The following LTC4S variants were observed in gnomAD, a reference collection of about 807,000 sequenced individuals.
The protein encoded by LTC4S is leukotriene C4 synthase, also known as LTC4 synthase.
A neutral mutation model predicts 19.6 loss-of-function variants in LTC4S; 18 were observed. The observed-to-expected ratio is 0.92, with a 90% CI of 0.64 to 1.36. The LOEUF (loss-of-function observed/expected upper bound fraction) is 1.36, where lower values mean the gene tolerates loss of function less well. LTC4S is among the 40% of genes most tolerant of loss of function. LTC4S has a pLI of 0.00. For synonymous variants in LTC4S, 126 were observed against 110.1 expected, an observed-to-expected ratio of 1.14 and a Z score of -0.91; for missense variants, 235 against 212.2, an observed-to-expected ratio of 1.11 and a Z score of -0.67.
Position 179,795,929 on chromosome 5 carries a change from T to G in LTC4S, c.230-12T>G. On this transcript the variant is annotated splice_polypyrimidine_tract_variant and intron_variant, in intron 3 of 4. Transcript: ENST00000292596. ...GCAGGGCGCTCACCAGGCCCGTGCG[T>G]ACCTCTCGCAGGGGCGGCGGCCCTG... The G allele has an allele frequency of 6.4e-7, 1 of 1,574,622 alleles. No individual in the cohort carries two copies. The highest frequency in any genetic ancestry group is 8.6e-7 in the Non-Finnish European group (1 of 1,165,000).
chr5:179,796,107 G>T, intron 4 of LTC4S, 85 bp downstream of exon 4: 1 of 1,319,548 alleles, frequency 7.6e-7, no homozygotes, highest in Non-Finnish European at 9.9e-7. Context: ...GAAGCTGGGG[G>T]CGGGCGACGG....
Position 179,795,821 on chromosome 5 carries a change from C to T in LTC4S, c.194C>T (p.Ala65Val), listed in dbSNP as rs1222985265. 3 of 1,606,600 alleles carry T rather than the reference C, an allele frequency of 1.9e-6. No homozygotes were observed. Among genetic ancestry groups the T allele is most frequent in the Non-Finnish European group, 2.5e-6 (3 of 1,178,314 alleles). Residue 65 changes from alanine (A) to valine (V), a missense_variant, in exon 3 of 5, where the codon GCC (alanine) becomes GTC (valine). Transcript: ENST00000292596. ...AGCGAGTACTTCCCGCTGTTCCTCG[C>T]CACGCTCTGGGTCGCCGGCATCTTC... ...NCSEYFPLFL[A>V]TLWVAGIFFH...
In LTC4S at chr5:179,796,484, C is replaced by G. The variant is rs1255079283; in HGVS notation, c.*90C>G. 1 of 1,373,130 alleles carries G rather than the reference C, an allele frequency of 7.3e-7. No homozygotes were observed. Among genetic ancestry groups the G allele is most frequent in the South Asian group, 1.6e-5 (1 of 64,234 alleles). The allele number at this position is 1,373,130 out of a possible 1,614,324, so 85.1% of individuals were successfully genotyped here. On this transcript the variant is annotated 3_prime_UTR_variant, in exon 5 of 5. Coordinates refer to ENST00000292596, the MANE Select transcript of LTC4S (RefSeq NM_145867.2). The stretch of plus-strand genomic sequence containing the variant: ...GGGGCGCTCGCTTCCGCATCCTAGT[C>G]TCTATCATTAAAGTTCTAGTGACCG...
At chr5:179,795,710 C>A in intron 2 of LTC4S, 27 bp downstream of exon 2, 1 of 1,571,196 alleles carries the variant, frequency 6.4e-7, no homozygotes, top group Non-Finnish European at 8.6e-7. Context: ...GGGCGCGGGG[C>A]GGGGAGCGAG....
At chr5:179,796,066 C>T (rs1180718414) in intron 4 of LTC4S, 44 bp downstream of exon 4, 10 of 1,075,038 alleles carry the variant, frequency 9.3e-6, no homozygotes, top group Non-Finnish European at 1.2e-5. Flanking sequence ...GGAAAGATCG[C>T]GGGCGGGCGG....
At chr5:179,795,287 G>C (rs1581963625) in intron 1 of LTC4S, 1 of 980,480 alleles carries the variant, frequency 1.0e-6, no homozygotes, top group Non-Finnish European at 1.4e-6. Flanking sequence ...GGTCTCTCTC[G>C]CGGAGCAGGT....
In LTC4S at chr5:179,795,835, G is replaced by A. The variant is rs1229995806; in HGVS notation, c.208G>A (p.Ala70Thr). The A allele has an allele frequency of 6.2e-7, 1 of 1,606,834 alleles. No individual in the cohort carries two copies. Among genetic ancestry groups the A allele is most frequent in the South Asian group, 1.1e-5 (1 of 90,518 alleles). The change falls in exon 3 of 5, where the codon GCC becomes ACC. Residue 70 changes from alanine (A) to threonine (T), a missense_variant. Physicochemically the swap from Ala to Thr is moderately conservative, Grantham distance 58. Coordinates refer to ENST00000292596, the MANE Select transcript of LTC4S (RefSeq NM_145867.2). The part of the protein sequence containing the change: ...FPLFLATLWV[A>T]GIFFHEGAAA... ...GCTGTTCCTCGCCACGCTCTGGGTC[G>A]CCGGCATCTTCTTTCATGAAGGTCG...
Position 179,795,831 on chromosome 5 carries a change from G to C in LTC4S, c.204G>C (p.Trp68Cys), listed in dbSNP as rs1279097033. The change falls in exon 3 of 5, where the codon TGG (tryptophan) becomes TGC (cysteine). Residue 68 changes from tryptophan (W) to cysteine (C), a missense_variant. By Grantham distance (215) the Trp-to-Cys change is radical. Coordinates refer to ENST00000292596, the MANE Select transcript of LTC4S (RefSeq NM_145867.2). Reference sequence around the variant, plus strand: ...TCCCGCTGTTCCTCGCCACGCTCTGGGTCGCCGGCATCTTCTTTCATGAAG... The same window carrying C: ...TCCCGCTGTTCCTCGCCACGCTCTGCGTCGCCGGCATCTTCTTTCATGAAG... ...EYFPLFLATLWVAGIFFHEGA... is the reference protein window; with the variant it reads ...EYFPLFLATLCVAGIFFHEGA... 37 of 1,606,864 alleles carry C rather than the reference G, an allele frequency of 2.3e-5. No individual in the cohort carries two copies. The highest frequency in any genetic ancestry group is 3.1e-5 in the Non-Finnish European group (36 of 1,178,456).
rs971212594 is a variant in LTC4S at position 179,794,058 on chromosome 5, C to T, written c.-23C>T. On this transcript the variant is annotated 5_prime_UTR_variant, in exon 1 of 5. Coordinates refer to ENST00000292596, the MANE Select transcript of LTC4S (RefSeq NM_145867.2). ...CCCCAGCTCGCCTTCACACACAGCC[C>T]GTGCCACCACACCGACGGTACCATG... The T allele has an allele frequency of 2.0e-5, 32 of 1,613,426 alleles. No individual in the cohort carries two copies. In the Admixed American group the frequency reaches 2.2e-4, roughly 11 times the overall value.
chr5:179,794,710 C>T (rs200522167), intron 1 of LTC4S, among the ~76,000 whole-genome samples: 88 of 152,326 alleles, frequency 5.8e-4, no homozygotes, highest in African/African-American at 2.0e-3. Flanking sequence ...GATGGCCACC[C>T]TGTGACACCC....
intron 4 of LTC4S, 113 bp from the exon 5 acceptor site, chr5:179,796,140 G>C (rs888174812): frequency 7.1e-6 from 9 of 1,261,080 alleles, no homozygotes; most frequent in Non-Finnish European, 9.4e-6. Context: ...CGCCTTTGGG[G>C]ATTCGGTGGG....
Position 179,794,121 on chromosome 5 carries a change from T to TG in LTC4S, c.44dup (p.Val16SerfsTer61). On this transcript the variant is annotated frameshift_variant, in exon 1 of 5. Transcript: ENST00000292596. LOFTEE classifies it high-confidence loss of function. ...GCTCTACTGGCTGCTGTCACCCTCCTGGGAGTCCTGCTGCAAGGTGGGCTG... is the reference window on the plus strand; with the variant it reads ...GCTCTACTGGCTGCTGTCACCCTCCTGGGGAGTCCTGCTGCAAGGTGGGCTG... The TG allele has an allele frequency of 1.2e-6, 2 of 1,613,502 alleles. No homozygotes were observed. Among genetic ancestry groups the TG allele is most frequent in the South Asian group, 2.2e-5 (2 of 91,082 alleles).
intron 3 of LTC4S, 23 bp downstream of exon 3, chr5:179,795,879 C>T (rs768557264): frequency 6.2e-7 from 1 of 1,601,598 alleles, no homozygotes; most frequent in Non-Finnish European, 8.5e-7. Context: ...GGCAGGGGCG[C>T]ACGCGCTGGA....
intron 1 of LTC4S, 200 bp from the exon 2 acceptor site, chr5:179,795,384 T>A: frequency 7.0e-7 from 1 of 1,435,752 alleles, no homozygotes; most frequent in Non-Finnish European, 9.1e-7. Flanking sequence ...AGCCCTGCCC[T>A]CCTCGCTGAA....
chr5:179,796,407 C>A lies in LTC4S; in HGVS notation c.*13C>A. The A allele has an allele frequency of 1.4e-6, 2 of 1,479,198 alleles. No homozygotes were observed. Among genetic ancestry groups the A allele is most frequent in the Admixed American group, 2.3e-5 (1 of 43,142 alleles). 91.6% of individuals were successfully genotyped at this position (1,479,198 alleles called of 1,614,324 possible). A position where few individuals can be genotyped will look rare whatever the true frequency, so the allele number is the denominator to read the frequency against. On this transcript the variant is annotated 3_prime_UTR_variant, in exon 5 of 5. Coordinates refer to ENST00000292596, the MANE Select transcript of LTC4S (RefSeq NM_145867.2). ...GCCGTGGGCCTGAGACCAAGGCCCCCGGGCCGACGGAGCCGGGAAAGAAGA... is the reference window on the plus strand; with the variant it reads ...GCCGTGGGCCTGAGACCAAGGCCCCAGGGCCGACGGAGCCGGGAAAGAAGA...
At chr5:179,795,184 C>T in intron 1 of LTC4S, 1 of 259,342 alleles carries the variant, frequency 3.9e-6, no homozygotes, top group Non-Finnish European at 7.2e-6. Flanking sequence ...CAGCTCTGCC[C>T]TCAGACTCCC....
rs1485014330 is a variant in LTC4S, at chr5:179,795,869, G to T, written c.229+13G>T. 3 of 1,604,146 alleles carry T rather than the reference G, an allele frequency of 1.9e-6. No homozygotes were observed. The highest frequency in any genetic ancestry group is 2.7e-5 in the African/African-American group (2 of 74,824). ...TTCTTTCATGAAGGTCGGGGTGTGG[G>T]GCAGGGGCGCACGCGCTGGACCCCC... On this transcript the variant is annotated intron_variant, in intron 3 of 4. Transcript: ENST00000292596.
In LTC4S at chr5:179,795,831, GGTC is replaced by G; in HGVS notation, c.206_208del (p.Val69del). ...TCCCGCTGTTCCTCGCCACGCTCTGGGTCGCCGGCATCTTCTTTCATGAAGGTC... is the reference window on the plus strand; with the variant it reads ...TCCCGCTGTTCCTCGCCACGCTCTGGGCCGGCATCTTCTTTCATGAAGGTC... On this transcript the variant is annotated inframe_deletion, in exon 3 of 5. Transcript: ENST00000292596. 3 of 1,606,972 alleles carry G rather than the reference GGTC, an allele frequency of 1.9e-6. No individual in the cohort carries two copies.
chr5:179,794,240 C>T, intron 1 of LTC4S, 102 bp downstream of exon 1: 1 of 1,436,028 alleles, frequency 7.0e-7, no homozygotes, highest in African/African-American at 1.4e-5. Flanking sequence ...GACTCCAGCC[C>T]AGGCCCAAGC....
Sources: gnomAD v4.1 joint callset for allele counts (sites outside exome capture counted in the v4.1 genomes callset) on GRCh38, gnomAD v4.1.1 for gene constraint, MANE v1.5 for transcripts, NCBI Gene and HGNC (gene_info 2026-07-23, HGNC 2026-07-21) for gene names.